The following NOS1 variants were observed in gnomAD, a reference collection of about 807,000 sequenced individuals.
NOS1 encodes the protein NOS type I.
A neutral mutation model predicts 164.5 loss-of-function variants in NOS1; 51 were observed. The observed-to-expected ratio is 0.31, with a 90% confidence interval of 0.25 to 0.39. The LOEUF (loss-of-function observed/expected upper bound fraction) is 0.39. Ranked by LOEUF, NOS1 falls within the 10% of genes least tolerant of loss-of-function variation. The pLI is 1.00. For missense variants in NOS1, 1,362 were observed against 1,885.6 expected (o/e 0.72, Z 5.14); for synonymous variants, 719 against 745.8 (o/e 0.96, Z 0.59).
intron 1 of NOS1, among the ~76,000 whole-genome samples, chr12:117,339,291 A>G (rs1875984282): frequency 6.6e-6 from 1 of 152,306 alleles, no homozygotes; most frequent in South Asian, 2.1e-4. Context: ...GATGATGTCA[A>G]TCTTCCCACC....
At chr12:117,350,529 A>C (rs1409037976) in intron 1 of NOS1, among the ~76,000 whole-genome samples, 1 of 152,232 alleles carries the variant, frequency 6.6e-6, no homozygotes, top group African/African-American at 2.4e-5. Flanking sequence ...TGTGTGTTTG[A>C]AATGAAAGCA....
At chr12:117,315,202 A>T (rs1874616095) in intron 2 of NOS1, among the ~76,000 whole-genome samples, 1 of 151,906 alleles carries the variant, frequency 6.6e-6, no homozygotes, top group Non-Finnish European at 1.5e-5. Flanking sequence ...AGCACATAAA[A>T]TTTTTATTAT....
intron 1 of NOS1, among the ~76,000 whole-genome samples, chr12:117,332,452 T>C (rs1875593045): frequency 6.6e-6 from 1 of 152,056 alleles, no homozygotes; most frequent in Non-Finnish European, 1.5e-5. Context: ...ATAGTACAGG[T>C]ATGGTGGCTC....
At chr12:117,274,043 G>T (rs1247476314) in intron 9 of NOS1, among the ~76,000 whole-genome samples, 2 of 151,936 alleles carry the variant, frequency 1.3e-5, no homozygotes, top group Non-Finnish European at 2.9e-5. Flanking sequence ...AAAGAATGGG[G>T]GAAAATATCT....
At chr12:117,317,820 A>T (rs1249181802) in intron 2 of NOS1, among the ~76,000 whole-genome samples, 1 of 152,076 alleles carries the variant, frequency 6.6e-6, no homozygotes, top group Non-Finnish European at 1.5e-5. Flanking sequence ...TCAGGTGGTC[A>T]CATTTGGTGG....
At chr12:117,220,913 G>A in intron 26 of NOS1, among the ~76,000 whole-genome samples, 1 of 151,950 alleles carries the variant, frequency 6.6e-6, no homozygotes, top group Admixed American at 6.6e-5. Flanking sequence ...TATTTAGCTG[G>A]AACATGCTGG....
At chr12:117,270,477 G>A (rs969827532) in intron 10 of NOS1, among the ~76,000 whole-genome samples, 3 of 152,024 alleles carry the variant, frequency 2.0e-5, no homozygotes, top group African/African-American at 7.3e-5. Context: ...CGACACATTT[G>A]TGGGAAGTAA....
At chr12:117,321,611 G>T (rs746050205) in intron 2 of NOS1, among the ~76,000 whole-genome samples, 1 of 152,144 alleles carries the variant, frequency 6.6e-6, no homozygotes. Context: ...AGCTGCTTAC[G>T]TTCAAGTGGG....
At chr12:117,302,041 C>A in intron 3 of NOS1, 1 of 456,724 alleles carries the variant, frequency 2.2e-6, no homozygotes, top group South Asian at 1.5e-5. Flanking sequence ...CGTTGAGCAC[C>A]AAAACCCTCT....
At chr12:117,226,892 A>G in intron 23 of NOS1, 122 bp from the exon 24 acceptor site, 2 of 742,272 alleles carry the variant, frequency 2.7e-6, no homozygotes, top group Admixed American at 2.1e-5. Context: ...ATTCCTCCCC[A>G]GGATCCCTTC....
At chr12:117,262,274 C>A (rs9658411) in intron 13 of NOS1, among the ~76,000 whole-genome samples, 2,974 of 151,286 alleles carry the variant, frequency 0.02, 86 homozygotes, top group African/African-American at 0.067. Context: ...CCTCCCCTTT[C>A]CCCCCAGAGA....
intron 1 of NOS1, among the ~76,000 whole-genome samples, chr12:117,339,824 G>A (rs1274526098): frequency 6.6e-6 from 1 of 152,152 alleles, no homozygotes; most frequent in Non-Finnish European, 1.5e-5. Context: ...CCATCCTACA[G>A]CTTCATCATG....
chr12:117,231,319 G>GA (rs777163036), intron 22 of NOS1, among the ~76,000 whole-genome samples: 42 of 141,874 alleles, frequency 3.0e-4, no homozygotes, highest in East Asian at 1.8e-3. Flanking sequence ...CTCTGTCTCA[G>GA]AGAAAAAAAA....
chr12:117,304,151 G>A (rs1433686472), intron 3 of NOS1, among the ~76,000 whole-genome samples: 1 of 151,844 alleles, frequency 6.6e-6, no homozygotes, highest in African/African-American at 2.4e-5. Flanking sequence ...CAGCCTGGGC[G>A]ACAGAGCGAG....
At chr12:117,260,134 CAAAAAACA>C (rs1555252938) in intron 14 of NOS1, among the ~76,000 whole-genome samples, 13 of 131,938 alleles carry the variant, frequency 9.9e-5, no homozygotes, top group Admixed American at 3.7e-4. Context: ...AAAAAAAAAA[CAAAAAACA>C]AAAAAACAAA....
chr12:117,211,591 C>T lies in NOS1; in HGVS notation c.*3718G>A. ...TGGTCCCAGCCCACCTTTTCTCACC[C>T]TCCTCAGCCTTCCAAAGCCAGCCTC... is the stretch of plus-strand genomic sequence containing the variant. On this transcript the variant is annotated 3_prime_UTR_variant, in exon 29 of 29. Coordinates refer to ENST00000317775, the MANE Select transcript of NOS1 (RefSeq NM_000620.5). 6 of 985,650 alleles carry T rather than the reference C, an allele frequency of 6.1e-6. No homozygotes were observed. Among genetic ancestry groups the T allele is most frequent in the Non-Finnish European group, 7.2e-6 (6 of 830,062 alleles). 61.1% of individuals were successfully genotyped at this position (985,650 alleles called of 1,614,324 possible). A position where few individuals can be genotyped will look rare whatever the true frequency, so the allele number is the denominator to read the frequency against.
intron 14 of NOS1, 42 bp downstream of exon 14, chr12:117,260,423 C>T: frequency 6.2e-7 from 1 of 1,603,914 alleles, no homozygotes; most frequent in Non-Finnish European, 8.5e-7. Flanking sequence ...TGCCTTAATT[C>T]ACCATGAGAA....
intron 2 of NOS1, among the ~76,000 whole-genome samples, chr12:117,325,073 G>A (rs1285089182): frequency 6.6e-6 from 1 of 152,178 alleles, no homozygotes; most frequent in Non-Finnish European, 1.5e-5. Flanking sequence ...TTGGCTCCCC[G>A]ACTGGCGTGT....
intron 1 of NOS1, among the ~76,000 whole-genome samples, chr12:117,346,078 C>T (rs1439593929): frequency 6.6e-6 from 1 of 152,220 alleles, no homozygotes; most frequent in Non-Finnish European, 1.5e-5. Flanking sequence ...AAAGCCAAGA[C>T]TGGTCTCACT....
Sources: gnomAD v4.1 joint callset for allele counts (sites outside exome capture counted in the v4.1 genomes callset) on GRCh38, gnomAD v4.1.1 for gene constraint, MANE v1.5 for transcripts, NCBI Gene and HGNC (gene_info 2026-07-23, HGNC 2026-07-21) for gene names.